The following FCMR variants were observed in gnomAD, a reference collection of about 807,000 sequenced individuals.
The protein encoded by FCMR is immunoglobulin mu Fc receptor.
Under a neutral mutation model 41.6 loss-of-function variants are expected in FCMR, and 34 were observed. The ratio of observed to expected loss-of-function variants is 0.82; its 90% CI spans 0.62 to 1.09. The LOEUF is 1.09. FCMR is among the 50% of genes least tolerant of loss of function. The probability of loss-of-function intolerance (pLI) is 0.00; values close to 1 mark genes in which losing one functional copy is unlikely to be tolerated. For synonymous variants in FCMR, 209 were observed against 211.8 expected (o/e 0.99, Z 0.12); for missense variants, 496 against 512.5 (o/e 0.97, Z 0.31).
At chr1:206,907,981 G>C in intron 7 of FCMR, 1 of 1,448,332 alleles carries the variant, frequency 6.9e-7, no homozygotes, top group Non-Finnish European at 9.7e-7. Flanking sequence ...GGTGGTTCCT[G>C]CTGCCCTCAA....
chr1:206,913,400 T>C (rs911268158), intron 2 of FCMR, among the ~76,000 whole-genome samples: 3 of 152,182 alleles, frequency 2.0e-5, no homozygotes, highest in African/African-American at 7.2e-5. Context: ...GATAAATTAG[T>C]GTCTTTCCTT....
rs1572620420 is a variant in FCMR, at chr1:206,909,742, C to A, written c.968G>T (p.Arg323Leu). The A allele has an allele frequency of 6.8e-7, 1 of 1,462,088 alleles. No homozygotes were observed. Among genetic ancestry groups the A allele is most frequent in the Non-Finnish European group, 9.0e-7 (1 of 1,117,160 alleles). 90.6% of individuals were successfully genotyped at this position (1,462,088 alleles called of 1,614,324 possible). ...NIYSACPRRA[R>L]GADAAGTGEA... ...CGGCTCACCTGCAGCGTCCGCTCCA[C>A]GAGCGCGCCGCGGGCAGGCGCTGTA... is the stretch of plus-strand genomic sequence containing the variant. Residue 323 changes from arginine to leucine, a missense_variant, in exon 6 of 8, where the codon CGT becomes CTT. Coordinates refer to ENST00000367091, the MANE Select transcript of FCMR (RefSeq NM_005449.5). This position sits in a 1 kb window ranked among gnomAD's most constrained non-coding sequence, Gnocchi z 5.0.
At position 206,904,857 on chromosome 1, in the gene FCMR, C is replaced by T. The variant is rs992160275; in HGVS notation, c.*162G>A. On this transcript the variant is annotated 3_prime_UTR_variant, in exon 8 of 8. Coordinates refer to ENST00000367091, the MANE Select transcript of FCMR (RefSeq NM_005449.5). Reference sequence around the variant, plus strand: ...TGTGCAAGACGACCTGGGGGCAGAGCCATGCTCAGGGCACAGATAGATGGG... The same window carrying T: ...TGTGCAAGACGACCTGGGGGCAGAGTCATGCTCAGGGCACAGATAGATGGG... The T allele has an allele frequency of 7.7e-6, 6 of 778,626 alleles. No homozygotes were observed. Among genetic ancestry groups the T allele is most frequent in the Non-Finnish European group, 1.3e-5 (6 of 465,764 alleles). 48.2% of individuals were successfully genotyped at this position (778,626 alleles called of 1,614,324 possible). A position where few individuals can be genotyped will look rare whatever the true frequency, so the allele number is the denominator to read the frequency against.
chr1:206,920,559 A>G (rs1464716660), intron 1 of FCMR, among the ~76,000 whole-genome samples: 1 of 151,710 alleles, frequency 6.6e-6, no homozygotes, highest in East Asian at 1.9e-4. Context: ...GTGTTCAAGG[A>G]GGAGTCCTGT....
In FCMR at chr1:206,908,524, C is replaced by T. The variant is rs115347590; in HGVS notation, c.1044+938G>A. Among the ~76,000 whole-genome samples, 1,069 of 152,208 alleles carry T rather than the reference C, an allele frequency of 7.0e-3. 9 individuals carry two copies. Among genetic ancestry groups the T allele is most frequent in the Non-Finnish European group, 0.011 (753 of 68,004 alleles). On this transcript the variant is annotated intron_variant, in intron 7 of 7. Coordinates refer to ENST00000367091, the MANE Select transcript of FCMR (RefSeq NM_005449.5). ...GAGGGGCCCTACCTTGTGAGTGGGG[C>T]GTCTGTTTAACTTTCCACCTGGTAA...
intron 1 of FCMR, among the ~76,000 whole-genome samples, chr1:206,914,308 T>TC (rs1679083679): frequency 8.2e-6 from 1 of 122,042 alleles, no homozygotes; most frequent in Non-Finnish European, 1.7e-5. Context: ...CTTTTTCTTT[T>TC]CTTTCCTTCC....
chr1:206,911,474 A>G (rs1175626502), intron 4 of FCMR, among the ~76,000 whole-genome samples: 2 of 152,218 alleles, frequency 1.3e-5, no homozygotes, highest in African/African-American at 4.8e-5. Context: ...TCTTCCCCAT[A>G]AAAATAGATC....
chr1:206,905,948 G>C (rs957067176), intron 7 of FCMR: 2 of 177,420 alleles, frequency 1.1e-5, no homozygotes, highest in African/African-American at 4.8e-5. Flanking sequence ...GAAGTAAGAA[G>C]CCACAAAACA....
In FCMR at chr1:206,909,711, G is replaced by A. The variant is rs746257805; in HGVS notation, c.985+14C>T. The A allele has an allele frequency of 3.5e-6, 5 of 1,417,570 alleles. No homozygotes were observed. Among genetic ancestry groups the A allele is most frequent in the Admixed American group, 3.4e-5 (1 of 29,666 alleles). 87.8% of individuals were successfully genotyped at this position (1,417,570 alleles called of 1,614,324 possible). On this transcript the variant is annotated intron_variant, in intron 6 of 7. Transcript: ENST00000367091. The surrounding 1 kb of genome is among the most constrained non-coding windows in gnomAD (Gnocchi z 5.0). ...CTCTTTCCGCTACTCCCCGTGGCCC[G>A]CCCGGCGGCTCACCTGCAGCGTCCG...
intron 1 of FCMR, among the ~76,000 whole-genome samples, chr1:206,918,650 A>AGTGTGT (rs10652847): frequency 0.17 from 24,986 of 145,830 alleles, 2,377 homozygotes; most frequent in Middle Eastern, 0.28. Flanking sequence ...ATAAATTTTA[A>AGTGTGT]GTGTGTGTGT....
intron 2 of FCMR, 69 bp downstream of exon 2, chr1:206,913,690 G>A (rs1424556954): frequency 6.5e-6 from 8 of 1,230,372 alleles, no homozygotes; most frequent in African/African-American, 1.5e-5. Flanking sequence ...CAGTTAGATG[G>A]CTGTTCCAAT....
chr1:206,905,195 A>C, intron 7 of FCMR, 48 bp from the exon 8 acceptor site: 2 of 1,609,562 alleles, frequency 1.2e-6, no homozygotes, highest in Non-Finnish European at 1.7e-6. Context: ...GGGTGATTTT[A>C]ATATCTCCCC....
At chr1:206,906,919 A>C (rs1453238824) in intron 7 of FCMR, among the ~76,000 whole-genome samples, 1 of 151,848 alleles carries the variant, frequency 6.6e-6, no homozygotes, top group Non-Finnish European at 1.5e-5. Context: ...CATATTTTCG[A>C]AGCAAGCTGC....
intron 1 of FCMR, among the ~76,000 whole-genome samples, chr1:206,918,225 G>A (rs79002104): frequency 0.017 from 2,563 of 152,192 alleles, 22 homozygotes; most frequent in Non-Finnish European, 0.024. Context: ...CACACCCTTG[G>A]TGTGGCTTCC....
In FCMR at chr1:206,913,994, T is replaced by C. The variant is rs139493002; in HGVS notation, c.138A>G (p.Ile46Met). 3 of 1,614,182 alleles carry C rather than the reference T, an allele frequency of 1.9e-6. No homozygotes were observed. The highest frequency in any genetic ancestry group is 3.3e-5 in the Admixed American group (2 of 60,028). ...ATCCAGCCATCTCCCGGCACAGATA[T>C]ATCCTCACATGCATTTCAGGAAGTG... ...KCPLPEMHVR[I>M]YLCREMAGSG... The change falls in exon 2 of 8, where the codon ATA becomes ATG. Residue 46 changes from isoleucine to methionine, a missense_variant. Coordinates refer to ENST00000367091, the MANE Select transcript of FCMR (RefSeq NM_005449.5).
chr1:206,907,094 G>T (rs1558645952), intron 7 of FCMR, among the ~76,000 whole-genome samples: 4 of 54,038 alleles, frequency 7.4e-5, no homozygotes, highest in East Asian at 6.4e-4. Context: ...GGGTGGGGGG[G>T]TGGGGGGGTG....
rs1678546852 is a variant in FCMR, at chr1:206,904,800, G to A, written c.*219C>T. The A allele has an allele frequency of 3.6e-6, 2 of 558,744 alleles. No individual in the cohort carries two copies. Among genetic ancestry groups the A allele is most frequent in the South Asian group, 4.0e-5 (2 of 49,674 alleles). The allele number at this position is 558,744 out of a possible 1,614,324, so 34.6% of individuals were successfully genotyped here. A position where few individuals can be genotyped will look rare whatever the true frequency, so the allele number is the denominator to read the frequency against. On this transcript the variant is annotated 3_prime_UTR_variant, in exon 8 of 8. Transcript: ENST00000367091. ...GGGACAATTGCTCTACATGCCTACA[G>A]CTTACCTGTCAACTACAGGGGGCTG... is the stretch of plus-strand genomic sequence containing the variant.
At chr1:206,918,183 G>A (rs1386845557) in intron 1 of FCMR, among the ~76,000 whole-genome samples, 1 of 152,072 alleles carries the variant, frequency 6.6e-6, no homozygotes, top group African/African-American at 2.4e-5. Flanking sequence ...TCTCAGCAGC[G>A]GTTGACAGAA....
intron 7 of FCMR, among the ~76,000 whole-genome samples, chr1:206,905,600 G>C (rs1277181506): frequency 6.6e-6 from 1 of 152,146 alleles, no homozygotes; most frequent in Non-Finnish European, 1.5e-5. Context: ...GGGATGGATG[G>C]TGAAGGGGAT....
Sources: allele counts gnomAD v4.1 joint callset (sites outside exome capture counted in the v4.1 genomes callset), GRCh38; gene constraint gnomAD v4.1.1; non-coding constraint Gnocchi (gnomAD v3.1); transcripts MANE v1.5; gene names NCBI Gene and HGNC (gene_info 2026-07-23, HGNC 2026-07-21).